Variants in DMXL1 observed in about 807,000 individuals in gnomAD.
The protein encoded by DMXL1 is dmX-like protein 1.
DMXL1 carries 99 observed loss-of-function variants against 319.2 expected under a neutral mutation model. That is an observed-to-expected ratio of 0.31 (90% confidence interval 0.26 to 0.37). The LOEUF (loss-of-function observed/expected upper bound fraction) is 0.37. Among genes scored for constraint, DMXL1 ranks in the 10% least tolerant of loss-of-function variants. The probability of loss-of-function intolerance (pLI) is 1.00; values close to 1 mark genes in which losing one functional copy is unlikely to be tolerated. For missense variants in DMXL1, 3,745 were observed against 3,595.6 expected (o/e 1.04, Z -1.06); for synonymous variants, 1,385 against 1,235.2 (o/e 1.12, Z -2.54).
chr5:119,191,705 G>C (rs924066145), intron 29 of DMXL1, among the ~76,000 whole-genome samples: 1 of 152,046 alleles, frequency 6.6e-6, no homozygotes, highest in African/African-American at 2.4e-5. Flanking sequence ...TGAGATCTCT[G>C]TTGCTTTTGA....
chr5:119,072,100 C>A (rs895093551), intron 1 of DMXL1, among the ~76,000 whole-genome samples: 11 of 152,082 alleles, frequency 7.2e-5, no homozygotes, highest in African/African-American at 2.4e-4. Context: ...AAAACAATTA[C>A]CAATTGTTTG....
At chr5:119,186,273 T>C (rs1485517051) in intron 28 of DMXL1, among the ~76,000 whole-genome samples, 1 of 152,144 alleles carries the variant, frequency 6.6e-6, no homozygotes, top group Non-Finnish European at 1.5e-5. Context: ...GTTATTTTGT[T>C]GTTTGTTTTG....
intron 1 of DMXL1, among the ~76,000 whole-genome samples, chr5:119,088,140 G>A (rs889680168): frequency 1.3e-5 from 2 of 152,134 alleles, no homozygotes; most frequent in South Asian, 2.1e-4. Context: ...GGTGTTGGGC[G>A]ATAGAGATAT....
chr5:119,231,996 G>C (rs971596857), intron 38 of DMXL1, among the ~76,000 whole-genome samples: 8 of 152,058 alleles, frequency 5.3e-5, no homozygotes, highest in African/African-American at 1.7e-4. Context: ...TAAGAGACAG[G>C]GTCTCATTAT....
chr5:119,129,111 C>T (rs79489284), intron 9 of DMXL1, 100 bp from the exon 10 acceptor site: 60 of 752,924 alleles, frequency 8.0e-5, no homozygotes, highest in Non-Finnish European at 1.1e-4. Context: ...GACTTTCAGG[C>T]AAACAAAATA....
chr5:119,161,321 G>T (rs6595176), intron 19 of DMXL1, among the ~76,000 whole-genome samples: 4 of 152,048 alleles, frequency 2.6e-5, no homozygotes, highest in African/African-American at 7.2e-5. Flanking sequence ...TGGGCACTGC[G>T]ATAGCCTCTA....
At position 119,211,379 on chromosome 5, in the gene DMXL1, A is replaced by G. The variant is rs143970147; in HGVS notation, c.7926+4483A>G. On this transcript the variant is annotated intron_variant, in intron 34 of 43. Transcript: ENST00000539542. ...AATCCTGAAGTTTTTTAAATGACAA[A>G]TTTAATTTCTTTAACAGATGTAGGG... is the stretch of plus-strand genomic sequence containing the variant. Among the ~76,000 whole-genome samples, 860 of 152,276 alleles carry G rather than the reference A, an allele frequency of 5.6e-3. 9 individuals carry two copies. Among genetic ancestry groups the G allele is most frequent in the African/African-American group, 0.02 (827 of 41,552 alleles).
At chr5:119,241,347 C>T (rs565374878) in intron 42 of DMXL1, among the ~76,000 whole-genome samples, 2 of 151,930 alleles carry the variant, frequency 1.3e-5, no homozygotes, top group Admixed American at 6.6e-5. Flanking sequence ...CTGGCTAACA[C>T]GGTGAAACCC....
intron 38 of DMXL1, among the ~76,000 whole-genome samples, chr5:119,227,707 A>G (rs1049955921): frequency 6.6e-6 from 1 of 152,146 alleles, no homozygotes; most frequent in African/African-American, 2.4e-5. Flanking sequence ...CATAGTCTCC[A>G]ATATGATATA....
At chr5:119,200,103 T>A (rs538132539) in intron 32 of DMXL1, among the ~76,000 whole-genome samples, 1 of 152,244 alleles carries the variant, frequency 6.6e-6, no homozygotes, top group South Asian at 2.1e-4. Flanking sequence ...CAATTTTTGC[T>A]TTTGTTGAAA....
Position 119,175,246 on chromosome 5 carries a change from GT to G in DMXL1, c.6682-10del. On this transcript the variant is annotated splice_polypyrimidine_tract_variant and intron_variant, in intron 25 of 43. Transcript: ENST00000539542. ...AAAAGGTTATACTTAAAGTAATTTT[GT>G]TTTTGTTTTCCAGGTGTATGTAATG... The G allele has an allele frequency of 1.3e-6, 2 of 1,585,422 alleles. No individual in the cohort carries two copies.
chr5:119,223,929 A>G (rs1785086329), intron 37 of DMXL1, among the ~76,000 whole-genome samples: 1 of 152,106 alleles, frequency 6.6e-6, no homozygotes. Flanking sequence ...TATTTTCTTT[A>G]TCCTTTCATT....
rs11301800 is a variant in DMXL1 at position 119,165,286 on chromosome 5, TAAA to T, written c.4970+22_4970+24del. On this transcript the variant is annotated splice_region_variant and intron_variant, in intron 21 of 43. Transcript: ENST00000539542. ...GTGATTTGGGGATTATATAGGTAGG[TAAA>T]AAAAAAAAAAAAAAAGGGTGCTTCA... The T allele has an allele frequency of 0.055, 47,178 of 855,778 alleles. 10 individuals are homozygous for T. Among genetic ancestry groups the T allele is most frequent in the East Asian group, 0.1 (3,477 of 34,792 alleles). 53.0% of individuals were successfully genotyped at this position (855,778 alleles called of 1,614,324 possible).
intron 19 of DMXL1, among the ~76,000 whole-genome samples, chr5:119,157,651 G>A (rs60958286): frequency 1.7e-3 from 263 of 152,194 alleles, no homozygotes; most frequent in African/African-American, 5.8e-3. Flanking sequence ...GTTGATTTCC[G>A]TGCCTTCTAT....
intron 29 of DMXL1, among the ~76,000 whole-genome samples, chr5:119,190,461 G>A (rs1314852645): frequency 1.3e-5 from 2 of 152,196 alleles, no homozygotes; most frequent in Non-Finnish European, 2.9e-5. Flanking sequence ...GTCTTTCAGT[G>A]ATTGATTATG....
chr5:119,236,664 A>G (rs548152162), intron 39 of DMXL1: 3 of 152,152 alleles, frequency 2.0e-5, no homozygotes, highest in African/African-American at 7.2e-5. Flanking sequence ...CAAATTGTTA[A>G]TAGATGTTAG....
At chr5:119,121,477 A>G (rs1031434858) in intron 9 of DMXL1, among the ~76,000 whole-genome samples, 5 of 151,886 alleles carry the variant, frequency 3.3e-5, no homozygotes, top group Non-Finnish European at 5.9e-5. Flanking sequence ...GGGAGTGGTG[A>G]TGACTCTTAA....
intron 19 of DMXL1, among the ~76,000 whole-genome samples, chr5:119,157,794 G>C (rs1357284264): frequency 6.6e-6 from 1 of 152,082 alleles, no homozygotes; most frequent in Non-Finnish European, 1.5e-5. Context: ...TTTACTTTGA[G>C]TATTTGGTGT....
chr5:119,151,246 G>T (rs962270564), intron 18 of DMXL1, among the ~76,000 whole-genome samples: 6 of 151,844 alleles, frequency 4.0e-5, no homozygotes, highest in African/African-American at 1.4e-4. Flanking sequence ...AAAAAATACT[G>T]CCAAGTTATG....
Sources: gnomAD v4.1 joint callset for allele counts (sites outside exome capture counted in the v4.1 genomes callset) on GRCh38, gnomAD v4.1.1 for gene constraint, MANE v1.5 for transcripts, NCBI Gene and HGNC (gene_info 2026-07-23, HGNC 2026-07-21) for gene names.